Variants in PPP3CA observed in about 807,000 individuals in gnomAD.
PPP3CA encodes protein phosphatase 3 catalytic subunit alpha, also known as CAM-PRP catalytic subunit.
Under a neutral mutation model 66.5 loss-of-function variants are expected in PPP3CA, and 14 were observed. That is an observed-to-expected ratio of 0.21 (90% CI 0.14 to 0.33). The LOEUF (loss-of-function observed/expected upper bound fraction) is 0.33, where lower values mean the gene tolerates loss of function less well. PPP3CA is among the 10% of genes least tolerant of loss of function. The pLI is 1.00. For missense variants in PPP3CA, 317 were observed against 639.5 expected (o/e 0.50, Z 5.44); for synonymous variants, 232 against 226.2 (o/e 1.03, Z -0.23).
At chr4:101,259,702 A>C (rs998328566) in intron 1 of PPP3CA, among the ~76,000 whole-genome samples, 2 of 152,162 alleles carry the variant, frequency 1.3e-5, no homozygotes, top group Admixed American at 6.6e-5. Flanking sequence ...AAGTTGTTTT[A>C]GATTCCTTGG....
At chr4:101,312,805 T>C (rs1475711137) in intron 1 of PPP3CA, among the ~76,000 whole-genome samples, 1 of 152,110 alleles carries the variant, frequency 6.6e-6, no homozygotes, top group Non-Finnish European at 1.5e-5. Flanking sequence ...AACACAAAAG[T>C]AAGCATAAGT....
intron 8 of PPP3CA, among the ~76,000 whole-genome samples, chr4:101,067,154 G>A (rs1430638337): frequency 6.6e-6 from 1 of 152,126 alleles, no homozygotes; most frequent in East Asian, 1.9e-4. Flanking sequence ...ACAGCTGGAA[G>A]GAAATTTGGT....
intron 2 of PPP3CA, among the ~76,000 whole-genome samples, chr4:101,169,237 T>C (rs1723791530): frequency 1.3e-5 from 2 of 152,200 alleles, no homozygotes; most frequent in Non-Finnish European, 1.5e-5. Context: ...AGTGAATATA[T>C]TACCTAAATT....
At chr4:101,186,223 T>C (rs992410840) in intron 2 of PPP3CA, among the ~76,000 whole-genome samples, 1 of 152,090 alleles carries the variant, frequency 6.6e-6, no homozygotes, top group African/African-American at 2.4e-5. Flanking sequence ...CAAAGAGGTA[T>C]AGAACGAAAT....
rs550187878 is a variant in PPP3CA at position 101,039,619 on chromosome 4, G to A, written c.1241+863C>T. Among the ~76,000 whole-genome samples, 8 of 144,102 alleles carry A rather than the reference G, an allele frequency of 5.6e-5. 1 individual carries two copies. In the South Asian group the frequency reaches 1.7e-3, roughly 30 times the overall value. The allele number at this position is 144,102 out of a possible 152,430, so 94.5% of individuals were successfully genotyped here. On this transcript the variant is annotated intron_variant, in intron 11 of 13. Transcript: ENST00000394854. ...CATCCTTCTCATGGCTACCTCTTTT[G>A]GCATTAAGTCATTCAGTTACTCTTT... is the stretch of plus-strand genomic sequence containing the variant.
chr4:101,255,858 T>A (rs1015980435), intron 1 of PPP3CA, among the ~76,000 whole-genome samples: 30 of 151,956 alleles, frequency 2.0e-4, no homozygotes, highest in Admixed American at 2.6e-4. Context: ...TGGTTCTGTG[T>A]TAATGTTATT....
chr4:101,096,817 T>C (rs1730215710), intron 5 of PPP3CA, among the ~76,000 whole-genome samples: 1 of 152,166 alleles, frequency 6.6e-6, no homozygotes, highest in Admixed American at 6.5e-5. Context: ...GCTTTCCTTC[T>C]CCACTGAACA....
chr4:101,202,713 A>G (rs1373973358), intron 1 of PPP3CA, among the ~76,000 whole-genome samples: 7 of 152,248 alleles, frequency 4.6e-5, no homozygotes, highest in Non-Finnish European at 8.8e-5. Context: ...CATCTCAAGT[A>G]TGGTTAAATA....
At chr4:101,076,688 G>A (rs187513573) in intron 8 of PPP3CA, among the ~76,000 whole-genome samples, 53 of 152,268 alleles carry the variant, frequency 3.5e-4, no homozygotes, top group Non-Finnish European at 6.3e-4. Flanking sequence ...TCCAAGATAA[G>A]CAGAGAGACA....
chr4:101,263,492 A>T (rs1727070841), intron 1 of PPP3CA, among the ~76,000 whole-genome samples: 1 of 152,196 alleles, frequency 6.6e-6, no homozygotes, highest in South Asian at 2.1e-4. Flanking sequence ...GGCTCACAAG[A>T]AAAGACAGAC....
At chr4:101,099,943 G>A (rs537940059) in intron 3 of PPP3CA, among the ~76,000 whole-genome samples, 11 of 151,916 alleles carry the variant, frequency 7.2e-5, no homozygotes, top group Non-Finnish European at 1.6e-4. Context: ...TACACGCACT[G>A]AGGATCATAT....
chr4:101,281,673 T>TTA (rs1727688874), intron 1 of PPP3CA, among the ~76,000 whole-genome samples: 1 of 152,178 alleles, frequency 6.6e-6, no homozygotes, highest in South Asian at 2.1e-4. Flanking sequence ...AAGAAAGTGG[T>TTA]TAAACATTCA....
rs138287378 is a variant in PPP3CA at position 101,301,849 on chromosome 4, T to A, written c.58+44890A>T. ...ATATATATATATATAATTTTAAAAA[T>A]CACAGTTAAAGGAAATTACTAGATA... On this transcript the variant is annotated intron_variant, in intron 1 of 13. Coordinates refer to ENST00000394854, the MANE Select transcript of PPP3CA (RefSeq NM_000944.5). Among the ~76,000 whole-genome samples, 116 of 149,832 alleles carry A rather than the reference T, an allele frequency of 7.7e-4. 2 individuals carry two copies. The East Asian group carries it at 0.013, about 16-fold the overall frequency.
intron 2 of PPP3CA, among the ~76,000 whole-genome samples, chr4:101,116,412 A>T (rs1721839290): frequency 1.3e-5 from 2 of 151,920 alleles, no homozygotes; most frequent in Non-Finnish European, 2.9e-5. Flanking sequence ...TGGTTTTTGG[A>T]TATTCTATTT....
chr4:101,187,522 A>C (rs1227815246), intron 2 of PPP3CA, among the ~76,000 whole-genome samples: 1 of 152,152 alleles, frequency 6.6e-6, no homozygotes, highest in African/African-American at 2.4e-5. Context: ...CCTTTGATAT[A>C]TATTTAATAA....
intron 1 of PPP3CA, among the ~76,000 whole-genome samples, chr4:101,296,610 C>G (rs967285256): frequency 1.3e-5 from 2 of 152,000 alleles, no homozygotes; most frequent in African/African-American, 4.8e-5. Flanking sequence ...CCCATATGTT[C>G]CTATTATTCC....
chr4:101,072,385 G>A (rs1396007799), intron 8 of PPP3CA, among the ~76,000 whole-genome samples: 6 of 152,296 alleles, frequency 3.9e-5, no homozygotes, highest in Non-Finnish European at 8.8e-5. Context: ...AGTACAGACA[G>A]AGGTTAATAT....
chr4:101,132,104 G>A (rs1281498623), intron 2 of PPP3CA, among the ~76,000 whole-genome samples: 1 of 152,184 alleles, frequency 6.6e-6, no homozygotes, highest in Non-Finnish European at 1.5e-5. Context: ...AGCTAAAGAA[G>A]TGTACAGACG....
At position 101,024,679 on chromosome 4, in the gene PPP3CA, T is replaced by TAA. The variant is rs1455799315; in HGVS notation, c.*1184_*1185dup. On this transcript the variant is annotated 3_prime_UTR_variant, in exon 14 of 14. Transcript: ENST00000394854. ...TTCACATGTAACTACAAACTTATTATAATTTCACAAGGTTTGCTAAACATG... is the reference window on the plus strand; with the variant it reads ...TTCACATGTAACTACAAACTTATTATAAAATTTCACAAGGTTTGCTAAACATG... 2 of 152,678 alleles carry TAA rather than the reference T, an allele frequency of 1.3e-5. No individual in the cohort carries two copies. The highest frequency in any genetic ancestry group is 4.8e-5 in the African/African-American group (2 of 41,462). The allele number at this position is 152,678 out of a possible 1,614,324, so 9.5% of individuals were successfully genotyped here.
Sources: gnomAD v4.1 joint callset for allele counts (sites outside exome capture counted in the v4.1 genomes callset) on GRCh38, gnomAD v4.1.1 for gene constraint, MANE v1.5 for transcripts, NCBI Gene and HGNC (gene_info 2026-07-23, HGNC 2026-07-21) for gene names.